ATP4A: variants seen among roughly 807,000 people sequenced by gnomAD.
ATP4A encodes potassium-transporting ATPase alpha chain 1.
ATP4A carries 73 observed loss-of-function variants against 112.1 expected under a neutral mutation model. That is an observed-to-expected ratio of 0.65 (90% confidence interval 0.54 to 0.79). ATP4A has a LOEUF of 0.79. Among genes scored for constraint, ATP4A ranks in the 30% least tolerant of loss-of-function variants. ATP4A has a pLI of 0.00. For synonymous variants in ATP4A, 588 were observed against 588.9 expected (o/e 1.00, Z 0.02); for missense variants, 1,081 against 1,425.9 (o/e 0.76, Z 3.90).
rs901065530 is a variant in ATP4A, at chr19:35,551,653, G to A, written c.2752-73C>T. 38 of 1,556,050 alleles carry A rather than the reference G, an allele frequency of 2.4e-5. No individual in the cohort carries two copies. Among genetic ancestry groups the A allele is most frequent in the East Asian group, 7.2e-5 (3 of 41,796 alleles). ...CGGCGGAGAGCCTCTGCAGCCCACC[G>A]GGCATAGGGTCCCAGGGCCGTGAAC... On this transcript the variant is annotated intron_variant, in intron 18 of 21. Coordinates refer to ENST00000262623, the MANE Select transcript of ATP4A (RefSeq NM_000704.3). This position sits in a 1 kb window ranked among gnomAD's most constrained non-coding sequence, Gnocchi z 5.2.
At chr19:35,556,333 C>T (rs910762885) in intron 12 of ATP4A, among the ~76,000 whole-genome samples, 5 of 152,110 alleles carry the variant, frequency 3.3e-5, no homozygotes, top group African/African-American at 9.7e-5. Context: ...TAACAAGGCC[C>T]GATGTAACAG....
At chr19:35,556,660 A>G (rs910836536) in intron 12 of ATP4A, among the ~76,000 whole-genome samples, 1 of 152,224 alleles carries the variant, frequency 6.6e-6, no homozygotes. Context: ...CCCCAAGTGA[A>G]GGGAGTGCCT....
chr19:35,559,859 G>A lies in ATP4A; in HGVS notation c.1002C>T (p.Phe334=). ...IGYTFLRAMV[F]FMAIVVAYVP... ...CATAGGCCACCACGATGGCCATGAA[G>A]AAGACCATGGCCCGCAGGAAGGTGT... Residue 334 remains phenylalanine, a synonymous_variant, in exon 7 of 22, where the codon TTC becomes TTT. Transcript: ENST00000262623. The surrounding 1 kb of genome is among the most constrained non-coding windows in gnomAD (Gnocchi z 4.1). 1 of 1,614,210 alleles carries A rather than the reference G, an allele frequency of 6.2e-7. No individual in the cohort carries two copies. Among genetic ancestry groups the A allele is most frequent in the Non-Finnish European group, 8.5e-7 (1 of 1,180,034 alleles).
intron 4 of ATP4A, 105 bp downstream of exon 4, chr19:35,562,330 C>T (rs1470799824): frequency 9.0e-6 from 12 of 1,339,782 alleles, no homozygotes; most frequent in Admixed American, 2.2e-5. Context: ...CTTTCGTGTT[C>T]GTCTATCCCC....
chr19:35,555,723 C>T lies in ATP4A; in HGVS notation c.1959G>A (p.Glu653=), dbSNP rs1300952239. Residue 653 remains glutamate (E), a synonymous_variant, in exon 13 of 22, where the codon GAG becomes GAA. Coordinates refer to ENST00000262623, the MANE Select transcript of ATP4A (RefSeq NM_000704.3). This position sits in a 1 kb window ranked among gnomAD's most constrained non-coding sequence, Gnocchi z 6.6. ...GIISEGSETV[E]DIAARLRVPV... The stretch of plus-strand genomic sequence containing the variant: ...GCACACGGAGGCGGGCAGCGATGTC[C>T]TCCACTGTCTCGCTGCCTTCCGAGA... 6.2e-7 allele frequency: 1 copy of T among 1,613,312 alleles called. No individual in the cohort carries two copies. The highest frequency in any genetic ancestry group is 8.5e-7 in the Non-Finnish European group (1 of 1,179,320).
chr19:35,551,342 C>A lies in ATP4A; in HGVS notation c.2885+105G>T. ...GTTTTTTTGGCATGTCACCATCTGG[C>A]ACTGGCACCCGCTGGCATTTGCCGG... On this transcript the variant is annotated intron_variant, in intron 19 of 21. Transcript: ENST00000262623. This position sits in a 1 kb window ranked among gnomAD's most constrained non-coding sequence, Gnocchi z 5.2. 1 of 1,562,502 alleles carries A rather than the reference C, an allele frequency of 6.4e-7. No homozygotes were observed. The highest frequency in any genetic ancestry group is 8.7e-7 in the Non-Finnish European group (1 of 1,145,942).
chr19:35,551,317 G>T lies in ATP4A; in HGVS notation c.2885+130C>A. ...GGGGAGTTATTGGCCAGTTAGAAAG[G>T]TTTTTTTGGCATGTCACCATCTGGC... is the stretch of plus-strand genomic sequence containing the variant. On this transcript the variant is annotated intron_variant, in intron 19 of 21. Transcript: ENST00000262623. The surrounding 1 kb of genome is among the most constrained non-coding windows in gnomAD (Gnocchi z 5.2). 1 of 1,465,984 alleles carries T rather than the reference G, an allele frequency of 6.8e-7. No homozygotes were observed. The highest frequency in any genetic ancestry group is 9.3e-7 in the Non-Finnish European group (1 of 1,078,158). 90.8% of individuals were successfully genotyped at this position (1,465,984 alleles called of 1,614,324 possible).
intron 18 of ATP4A, 146 bp downstream of exon 18, chr19:35,552,890 GC>G (rs34832986): frequency 0.22 from 217,127 of 1,000,956 alleles, 29,320 homozygotes; most frequent in East Asian, 0.64. Flanking sequence ...AAAGGCCCTT[GC>G]CCCCCCGAAC....
chr19:35,558,815 C>G lies in ATP4A; in HGVS notation c.1256-129G>C, dbSNP rs1480471969. 7.9e-7 allele frequency: 1 copy of G among 1,268,382 alleles called. No individual in the cohort carries two copies. The highest frequency in any genetic ancestry group is 1.1e-6 in the Non-Finnish European group (1 of 931,118). The allele number at this position is 1,268,382 out of a possible 1,614,324, so 78.6% of individuals were successfully genotyped here. On this transcript the variant is annotated intron_variant, in intron 8 of 21. Coordinates refer to ENST00000262623, the MANE Select transcript of ATP4A (RefSeq NM_000704.3). The surrounding 1 kb of genome is among the most constrained non-coding windows in gnomAD (Gnocchi z 5.1). ...GGGTGGAATTGGGTTCCACCCAACC[C>G]TGAGGGACCCAGCCCCCGGATGACC...
Position 35,552,960 on chromosome 19 carries a change from C to T in ATP4A, c.2751+77G>A, listed in dbSNP as rs1599570294. On this transcript the variant is annotated intron_variant, in intron 18 of 21. Coordinates refer to ENST00000262623, the MANE Select transcript of ATP4A (RefSeq NM_000704.3). ...CTGAACTCAGTCACACGTGGAGGAA[C>T]AAGTGGGCCGCACACAAGGCAAGTT... The T allele has an allele frequency of 4.0e-6, 6 of 1,493,674 alleles. No individual in the cohort carries two copies. In the East Asian group the frequency reaches 7.4e-5, roughly 18 times the overall value. 92.5% of individuals were successfully genotyped at this position (1,493,674 alleles called of 1,614,324 possible).
Position 35,558,071 on chromosome 19 carries a change from C to G in ATP4A, c.1501-224G>C. 2 of 607,406 alleles carry G rather than the reference C, an allele frequency of 3.3e-6. No individual in the cohort carries two copies. Among genetic ancestry groups the G allele is most frequent in the Non-Finnish European group, 2.8e-6 (1 of 351,758 alleles). 37.6% of individuals were successfully genotyped at this position (607,406 alleles called of 1,614,324 possible). On this transcript the variant is annotated intron_variant, in intron 10 of 21. Transcript: ENST00000262623. This position sits in a 1 kb window ranked among gnomAD's most constrained non-coding sequence, Gnocchi z 5.1. ...CTAGGTGCAGATTTGGAGTCCTGGA[C>G]GCAGGGAATGAACAGAATTAGGGTG...
chr19:35,557,673 G>A lies in ATP4A; in HGVS notation c.1675C>T (p.Leu559=), dbSNP rs113375843. ...GTCTCACCGAGCACGCGTTCGCCCA[G>A]GCCTCCCAGGCTGAGGTAGGCGGTC... is the stretch of plus-strand genomic sequence containing the variant. ...FQTAYLSLGG[L]GERVLGFCQL... Residue 559 remains leucine (L), a synonymous_variant, in exon 11 of 22, where the codon CTG becomes TTG. Coordinates refer to ENST00000262623, the MANE Select transcript of ATP4A (RefSeq NM_000704.3). This position sits in a 1 kb window ranked among gnomAD's most constrained non-coding sequence, Gnocchi z 4.4. The A allele has an allele frequency of 8.8e-5, 142 of 1,608,322 alleles. 1 individual carries two copies. The African/African-American group carries it at 1.7e-3, about 19-fold the overall frequency.
At position 35,560,659 on chromosome 19, in the gene ATP4A, G is replaced by GT; in HGVS notation, c.535-45dup. ...AAAGTTGAGGTGGACGGGGGTGGGG[G>GT]TGGGAGCTGCTGCATGTGGGGAGGT... On this transcript the variant is annotated intron_variant, in intron 5 of 21. Transcript: ENST00000262623. This position sits in a 1 kb window ranked among gnomAD's most constrained non-coding sequence, Gnocchi z 5.1. 1 of 1,556,016 alleles carries GT rather than the reference G, an allele frequency of 6.4e-7. No individual in the cohort carries two copies.
chr19:35,558,895 C>A lies in ATP4A; in HGVS notation c.1255+98G>T. 6.8e-7 allele frequency: 1 copy of A among 1,474,116 alleles called. No homozygotes were observed. The highest frequency in any genetic ancestry group is 9.3e-7 in the Non-Finnish European group (1 of 1,074,210). The allele number at this position is 1,474,116 out of a possible 1,614,324, so 91.3% of individuals were successfully genotyped here. On this transcript the variant is annotated intron_variant, in intron 8 of 21. Transcript: ENST00000262623. This position sits in a 1 kb window ranked among gnomAD's most constrained non-coding sequence, Gnocchi z 5.1. ...TTTGAGACCTGGAGCCGAGCCGCCC[C>A]GCCTTCGTACAAAGCCCTCCCTACC...
chr19:35,561,064 T>C (rs2071668084), intron 4 of ATP4A, 132 bp from the exon 5 acceptor site: 5 of 704,342 alleles, frequency 7.1e-6, no homozygotes, highest in Non-Finnish European at 1.2e-5. Flanking sequence ...GGAAGCTCCA[T>C]GCACCATTCC....
In ATP4A at chr19:35,562,245, T is replaced by C. The variant is rs556804164; in HGVS notation, c.420+190A>G. 4.5e-4 allele frequency among the ~76,000 whole-genome samples: 69 copies of C among 152,290 alleles called. No individual in the cohort carries two copies. The South Asian group carries it at 8.3e-3, about 18-fold the overall frequency. ...CCCAAGATTCACCCCAGTGTCCCTGTGTCCTGTGTCCTTGGGTCTGCCCCA... is the reference window on the plus strand; with the variant it reads ...CCCAAGATTCACCCCAGTGTCCCTGCGTCCTGTGTCCTTGGGTCTGCCCCA... On this transcript the variant is annotated intron_variant, in intron 4 of 21. Transcript: ENST00000262623.
rs759130933 is a variant in ATP4A at position 35,559,755 on chromosome 19, T to G, written c.1056+50A>C. Reference sequence around the variant, plus strand: ...GGGGAAATGTGGAGGAAAGAACAGATGGTTGAGCAGGCCCCTCAGCTCCCT... The same window carrying G: ...GGGGAAATGTGGAGGAAAGAACAGAGGGTTGAGCAGGCCCCTCAGCTCCCT... On this transcript the variant is annotated intron_variant, in intron 7 of 21. Transcript: ENST00000262623. The surrounding 1 kb of genome is among the most constrained non-coding windows in gnomAD (Gnocchi z 4.1). 1.3e-6 allele frequency: 2 copies of G among 1,594,912 alleles called. No homozygotes were observed. The highest frequency in any genetic ancestry group is 2.3e-5 in the South Asian group (2 of 88,800).
Position 35,553,028 on chromosome 19 carries a change from A to C in ATP4A, c.2751+9T>G, listed in dbSNP as rs778957375. On this transcript the variant is annotated intron_variant, in intron 18 of 21. Coordinates refer to ENST00000262623, the MANE Select transcript of ATP4A (RefSeq NM_000704.3). ...GCCCAGGGATGGGATGGGGCGGGGCAGGGCTCACCCACTCCTGGCCGTAGC... is the reference window on the plus strand; with the variant it reads ...GCCCAGGGATGGGATGGGGCGGGGCCGGGCTCACCCACTCCTGGCCGTAGC... 6.3e-7 allele frequency: 1 copy of C among 1,589,722 alleles called. No homozygotes were observed. Among genetic ancestry groups the C allele is most frequent in the Non-Finnish European group, 8.6e-7 (1 of 1,161,822 alleles).
chr19:35,553,537 C>T (rs1412079460), intron 17 of ATP4A, among the ~76,000 whole-genome samples, 169 bp downstream of exon 17: 1 of 152,164 alleles, frequency 6.6e-6, no homozygotes, highest in African/African-American at 2.4e-5. Flanking sequence ...ACAGCAGAAC[C>T]AGAGAGACTG....
Sources: gnomAD v4.1 joint callset for allele counts (sites outside exome capture counted in the v4.1 genomes callset) on GRCh38, gnomAD v4.1.1 for gene constraint, Gnocchi (gnomAD v3.1) non-coding constraint, MANE v1.5 for transcripts, NCBI Gene and HGNC (gene_info 2026-07-23, HGNC 2026-07-21) for gene names.